Variants in TTLL7 observed in about 807,000 individuals in gnomAD.
The protein encoded by TTLL7 is tubulin polyglutamylase TTLL7.
Under a neutral mutation model 120.2 loss-of-function variants are expected in TTLL7, and 53 were observed. That is an observed-to-expected ratio of 0.44 (90% CI 0.35 to 0.55). The LOEUF is 0.55. Among genes scored for constraint, TTLL7 ranks in the 20% least tolerant of loss-of-function variants. The pLI is 0.00. For synonymous variants in TTLL7, 353 were observed against 351.7 expected (o/e 1.00, Z -0.04); for missense variants, 803 against 1,054.7 (o/e 0.76, Z 3.31).
intron 20 of TTLL7, 27 bp downstream of exon 20, chr1:83,882,936 C>A: frequency 2.5e-6 from 4 of 1,597,554 alleles, no homozygotes; most frequent in Non-Finnish European, 3.4e-6. Context: ...ATAAAACTCT[C>A]AAGGGTTAGA....
At chr1:83,982,273 G>C (rs1652033679) in intron 1 of TTLL7, among the ~76,000 whole-genome samples, 1 of 152,012 alleles carries the variant, frequency 6.6e-6, no homozygotes, top group Non-Finnish European at 1.5e-5. Flanking sequence ...GCTAAAGCCA[G>C]GCTGAGAAGG....
intron 1 of TTLL7, among the ~76,000 whole-genome samples, chr1:83,968,266 A>AT (rs1375896398): frequency 6.6e-6 from 1 of 152,062 alleles, no homozygotes; most frequent in Non-Finnish European, 1.5e-5. Flanking sequence ...AAATGGAGTC[A>AT]TGAGTACCAG....
chr1:83,996,497 G>C (rs1174002577), intron 1 of TTLL7, among the ~76,000 whole-genome samples: 1 of 152,162 alleles, frequency 6.6e-6, no homozygotes, highest in Non-Finnish European at 1.5e-5. Flanking sequence ...CTCTGAGACT[G>C]ATTTAATTCA....
rs1421402885 is a variant in TTLL7 at position 83,869,280 on chromosome 1, T to C, written c.*682A>G. ...CGTGAGCCACCGCGCCCAGCCTGTC[T>C]TTCATGTTAGATCATAATATGATCT... On this transcript the variant is annotated 3_prime_UTR_variant, in exon 21 of 21. Coordinates refer to ENST00000260505, the MANE Select transcript of TTLL7 (RefSeq NM_024686.6). 2 of 152,216 alleles carry C rather than the reference T, an allele frequency of 1.3e-5. No homozygotes were observed. The highest frequency in any genetic ancestry group is 2.9e-5 in the Non-Finnish European group (2 of 68,090). The allele number at this position is 152,216 out of a possible 1,614,324, so 9.4% of individuals were successfully genotyped here.
Position 83,946,978 on chromosome 1 carries a change from T to C in TTLL7, c.506+146A>G, listed in dbSNP as rs1043998858. ...GTTTAAAAGAATAGAGATCATTAAA[T>C]ATTTGGTTCCAAAACTACAATAGTT... On this transcript the variant is annotated intron_variant, in intron 6 of 20. Coordinates refer to ENST00000260505, the MANE Select transcript of TTLL7 (RefSeq NM_024686.6). 11 of 579,986 alleles carry C rather than the reference T, an allele frequency of 1.9e-5. No homozygotes were observed. In the South Asian group the frequency reaches 2.9e-4, roughly 15 times the overall value. The allele number at this position is 579,986 out of a possible 1,614,324, so 35.9% of individuals were successfully genotyped here. A position where few individuals can be genotyped will look rare whatever the true frequency, so the allele number is the denominator to read the frequency against.
intron 15 of TTLL7, among the ~76,000 whole-genome samples, chr1:83,909,530 T>A (rs1462796947): frequency 6.6e-6 from 1 of 151,932 alleles, no homozygotes; most frequent in Non-Finnish European, 1.5e-5. Flanking sequence ...TTCCTTAATG[T>A]AAGATTAAAG....
rs1420272485 is a variant in TTLL7 at position 83,868,916 on chromosome 1, T to A, written c.*1046A>T. 6.6e-6 allele frequency: 1 copy of A among 151,406 alleles called. No homozygotes were observed. Among genetic ancestry groups the A allele is most frequent in the Non-Finnish European group, 1.5e-5 (1 of 67,836 alleles). 9.4% of individuals were successfully genotyped at this position (151,406 alleles called of 1,614,324 possible). ...ATTTTATTTTTAACCCATTGGATTG[T>A]CTTCCATTTTATTTATTTATTTTTA... On this transcript the variant is annotated 3_prime_UTR_variant, in exon 21 of 21. Coordinates refer to ENST00000260505, the MANE Select transcript of TTLL7 (RefSeq NM_024686.6).
chr1:83,912,483 T>G (rs527851098), intron 14 of TTLL7: 25 of 152,202 alleles, frequency 1.6e-4, no homozygotes, highest in Non-Finnish European at 3.2e-4. Context: ...TTCCTTCAGT[T>G]GTATACTAGT....
rs150632029 is a variant in TTLL7 at position 83,961,141 on chromosome 1, T to C, written c.-176-8754A>G. 2.3e-3 allele frequency among the ~76,000 whole-genome samples: 345 copies of C among 152,270 alleles called. 2 individuals carry two copies. The highest frequency in any genetic ancestry group is 4.2e-3 in the Non-Finnish European group (287 of 67,984). ...ACTTAATACTTATTTATTGTTCCAATTGGCTGTAGCCTATTCCCAGAGCCT... is the reference window on the plus strand; with the variant it reads ...ACTTAATACTTATTTATTGTTCCAACTGGCTGTAGCCTATTCCCAGAGCCT... On this transcript the variant is annotated intron_variant, in intron 1 of 20. Coordinates refer to ENST00000260505, the MANE Select transcript of TTLL7 (RefSeq NM_024686.6).
intron 4 of TTLL7, chr1:83,949,617 C>T (rs892405980): frequency 3.0e-5 from 12 of 395,274 alleles, no homozygotes; most frequent in Admixed American, 9.6e-5. Flanking sequence ...TCAGCCACCA[C>T]GCCCAACCAG....
rs1355663348 is a variant in TTLL7 at position 83,933,815 on chromosome 1, A to G, written c.889-49T>C. The G allele has an allele frequency of 2.6e-6, 4 of 1,548,248 alleles. No individual in the cohort carries two copies. The South Asian group carries it at 3.6e-5, about 14-fold the overall frequency. On this transcript the variant is annotated intron_variant, in intron 8 of 20. Transcript: ENST00000260505. ...TGAAAATGCCTTTGTATCTCATTTC[A>G]TATGTGCAAATATAACCGGGGCCCA...
In TTLL7 at chr1:83,942,324, T is replaced by G. The variant is rs1648055924; in HGVS notation, c.723+139A>C. On this transcript the variant is annotated intron_variant, in intron 7 of 20. Transcript: ENST00000260505. Reference sequence around the variant, plus strand: ...GCCTGTAAGTTAAAAGCAATCTTATTTATGTACACAATTCTTCCAGACCAC... The same window carrying G: ...GCCTGTAAGTTAAAAGCAATCTTATGTATGTACACAATTCTTCCAGACCAC... 7.9e-6 allele frequency: 5 copies of G among 633,198 alleles called. No individual in the cohort carries two copies. In the South Asian group the frequency reaches 9.8e-5, roughly 12 times the overall value. 39.2% of individuals were successfully genotyped at this position (633,198 alleles called of 1,614,324 possible).
chr1:83,915,481 T>A (rs1002506414), intron 14 of TTLL7, among the ~76,000 whole-genome samples: 1 of 152,078 alleles, frequency 6.6e-6, no homozygotes, highest in Non-Finnish European at 1.5e-5. Context: ...CACCTTATAC[T>A]AAAATTAATT....
intron 18 of TTLL7, among the ~76,000 whole-genome samples, chr1:83,897,098 A>AT (rs956778175): frequency 6.6e-6 from 1 of 151,604 alleles, no homozygotes; most frequent in Non-Finnish European, 1.5e-5. Context: ...AAGGCAAATA[A>AT]TTTTTTTTTA....
intron 15 of TTLL7, among the ~76,000 whole-genome samples, chr1:83,908,927 T>TA (rs995787371): frequency 2.6e-5 from 4 of 151,930 alleles, no homozygotes; most frequent in East Asian, 1.9e-4. Flanking sequence ...TATAAAAGAT[T>TA]AAAAAAAACT....
At chr1:83,963,357 G>C (rs1319852672) in intron 1 of TTLL7, among the ~76,000 whole-genome samples, 1 of 151,904 alleles carries the variant, frequency 6.6e-6, no homozygotes, top group Non-Finnish European at 1.5e-5. Flanking sequence ...TACACTACCT[G>C]CAGTTGCTGG....
At chr1:83,895,905 C>T (rs1330080521) in intron 18 of TTLL7, among the ~76,000 whole-genome samples, 4 of 152,076 alleles carry the variant, frequency 2.6e-5, no homozygotes, top group Non-Finnish European at 5.9e-5. Flanking sequence ...GTTGCCTAGG[C>T]ACCCCCTCCT....
intron 14 of TTLL7, among the ~76,000 whole-genome samples, chr1:83,914,355 CAG>C (rs1346664078): frequency 5.3e-5 from 5 of 94,070 alleles, no homozygotes; most frequent in African/African-American, 8.3e-5. Context: ...TTTTGTGAGA[CAG>C]AGTCTTGCTC....
chr1:83,912,581 A>G (rs1320975169), intron 14 of TTLL7: 1 of 152,170 alleles, frequency 6.6e-6, no homozygotes, highest in Non-Finnish European at 1.5e-5. Context: ...GATTTCACTG[A>G]AAGAAGGTAT....
Sources: allele counts gnomAD v4.1 joint callset (sites outside exome capture counted in the v4.1 genomes callset), GRCh38; gene constraint gnomAD v4.1.1; transcripts MANE v1.5; gene names NCBI Gene and HGNC (gene_info 2026-07-23, HGNC 2026-07-21).